Variants in CARNMT1 observed in about 807,000 individuals in gnomAD.
CARNMT1 encodes protein-L-histidine N-pros-methyltransferase CARNMT1.
Under a neutral mutation model 49.6 loss-of-function variants are expected in CARNMT1, and 28 were observed. The observed-to-expected ratio is 0.56, with a 90% confidence interval of 0.42 to 0.77. CARNMT1 has a LOEUF of 0.77. Ranked by LOEUF, CARNMT1 falls within the 30% of genes least tolerant of loss-of-function variation. CARNMT1 has a pLI of 0.00. For missense variants in CARNMT1, 421 were observed against 512.6 expected, an observed-to-expected ratio of 0.82 and a Z score of 1.73; for synonymous variants, 178 against 175.0, an observed-to-expected ratio of 1.02 and a Z score of -0.13.
intron 3 of CARNMT1, chr9:75,009,983 G>C (rs1488373352): frequency 6.6e-6 from 1 of 151,918 alleles, no homozygotes; most frequent in African/African-American, 2.4e-5. Context: ...AAAGAGATAG[G>C]GAATTTGGGT....
chr9:75,006,037 T>A (rs930750914), intron 3 of CARNMT1, among the ~76,000 whole-genome samples: 1 of 152,040 alleles, frequency 6.6e-6, no homozygotes, highest in East Asian at 1.9e-4. Flanking sequence ...TCTGAAGGGC[T>A]ACAATTAATG....
chr9:75,010,416 C>T (rs945513428), intron 3 of CARNMT1, among the ~76,000 whole-genome samples: 2 of 152,100 alleles, frequency 1.3e-5, no homozygotes, highest in Non-Finnish European at 2.9e-5. Flanking sequence ...TGAGCTATCA[C>T]CCCAGGCCAA....
intron 4 of CARNMT1, among the ~76,000 whole-genome samples, chr9:74,999,075 T>C (rs1184354116): frequency 1.3e-5 from 2 of 151,986 alleles, no homozygotes; most frequent in African/African-American, 4.8e-5. Context: ...TCCAACGAGG[T>C]TTTTTAAAAT....
At position 74,983,732 on chromosome 9, in the gene CARNMT1, C is replaced by G; in HGVS notation, c.*35G>C. ...TCGTTGATTTCAGCATTTGTTCTTACTAAACTTTTTTCCAGGTGGTATCAC... is the reference window on the plus strand; with the variant it reads ...TCGTTGATTTCAGCATTTGTTCTTAGTAAACTTTTTTCCAGGTGGTATCAC... On this transcript the variant is annotated 3_prime_UTR_variant, in exon 8 of 8. Coordinates refer to ENST00000376834, the MANE Select transcript of CARNMT1 (RefSeq NM_152420.3). 1 of 1,323,368 alleles carries G rather than the reference C, an allele frequency of 7.6e-7. No homozygotes were observed. 82.0% of individuals were successfully genotyped at this position (1,323,368 alleles called of 1,614,324 possible). A position where few individuals can be genotyped will look rare whatever the true frequency, so the allele number is the denominator to read the frequency against.
intron 6 of CARNMT1, among the ~76,000 whole-genome samples, chr9:74,990,808 G>A (rs1408639267): frequency 6.6e-6 from 1 of 152,182 alleles, no homozygotes; most frequent in African/African-American, 2.4e-5. Context: ...CTTAAAGGGG[G>A]TTGCCAAACC....
chr9:75,004,166 C>T (rs999857567), intron 3 of CARNMT1, among the ~76,000 whole-genome samples: 2 of 152,228 alleles, frequency 1.3e-5, no homozygotes, highest in African/African-American at 4.8e-5. Flanking sequence ...TGAGCCACGG[C>T]GCCTGGCCAA....
chr9:75,006,693 T>C (rs967523963), intron 3 of CARNMT1, among the ~76,000 whole-genome samples: 1 of 152,206 alleles, frequency 6.6e-6, no homozygotes, highest in African/African-American at 2.4e-5. Context: ...TATATATCCC[T>C]TGAAACCTTT....
intron 6 of CARNMT1, among the ~76,000 whole-genome samples, chr9:74,985,219 A>T (rs1387571835): frequency 6.6e-6 from 1 of 152,232 alleles, no homozygotes. Context: ...CCTCTGGCAT[A>T]CCTGCCTTGC....
At chr9:74,996,654 G>A in intron 5 of CARNMT1, 94 bp from the exon 6 acceptor site, 2 of 667,316 alleles carry the variant, frequency 3.0e-6, no homozygotes, top group South Asian at 1.9e-5. Flanking sequence ...CTTTTACAGA[G>A]TATTAATATT....
At chr9:75,014,810 C>A (rs540474714) in intron 3 of CARNMT1, among the ~76,000 whole-genome samples, 1 of 151,992 alleles carries the variant, frequency 6.6e-6, no homozygotes, top group South Asian at 2.1e-4. Context: ...CACTGCACCC[C>A]AGCCTGGGCA....
At chr9:75,027,425 A>T in intron 1 of CARNMT1, 1 of 985,388 alleles carries the variant, frequency 1.0e-6, no homozygotes, top group Non-Finnish European at 1.2e-6. Flanking sequence ...TTCCGCCCTT[A>T]ATCACCCACC....
At chr9:74,985,513 C>T (rs891120742) in intron 6 of CARNMT1, among the ~76,000 whole-genome samples, 11 of 152,046 alleles carry the variant, frequency 7.2e-5, no homozygotes, top group African/African-American at 2.7e-4. Context: ...CTGTTCATAT[C>T]CCAGCTCTAA....
At chr9:75,017,596 T>TA (rs1833891012) in intron 1 of CARNMT1, 148 bp from the exon 2 acceptor site, 1 of 669,194 alleles carries the variant, frequency 1.5e-6, no homozygotes, top group African/African-American at 1.8e-5. Context: ...AAAAAGGCAT[T>TA]AACTTATAAA....
intron 1 of CARNMT1, among the ~76,000 whole-genome samples, chr9:75,018,988 A>AG (rs989465748): frequency 2.7e-5 from 4 of 149,434 alleles, no homozygotes; most frequent in African/African-American, 9.8e-5. Flanking sequence ...AAAAAAAAAA[A>AG]GGAATAAAAT....
At chr9:75,010,682 T>C (rs925057876) in intron 3 of CARNMT1, among the ~76,000 whole-genome samples, 2 of 152,146 alleles carry the variant, frequency 1.3e-5, no homozygotes, top group Non-Finnish European at 2.9e-5. Flanking sequence ...AATTTCTGAA[T>C]TGATGATATA....
Position 75,028,251 on chromosome 9 carries a change from G to A in CARNMT1, c.-10C>T. The A allele has an allele frequency of 2.2e-6, 3 of 1,369,706 alleles. No individual in the cohort carries two copies. 84.8% of individuals were successfully genotyped at this position (1,369,706 alleles called of 1,614,324 possible). A position where few individuals can be genotyped will look rare whatever the true frequency, so the allele number is the denominator to read the frequency against. On this transcript the variant is annotated 5_prime_UTR_variant, in exon 1 of 8. Transcript: ENST00000376834. ...GACGCCGTCGCTGCATCGCCGCCGCGGCCCTCGGCCTGGCTCGCTTGCGTC... is the reference window on the plus strand; with the variant it reads ...GACGCCGTCGCTGCATCGCCGCCGCAGCCCTCGGCCTGGCTCGCTTGCGTC...
chr9:75,022,731 T>G (rs1822408150), intron 1 of CARNMT1, among the ~76,000 whole-genome samples: 1 of 152,102 alleles, frequency 6.6e-6, no homozygotes, highest in Non-Finnish European at 1.5e-5. Flanking sequence ...ACAACTTCCC[T>G]CTCACCATAC....
chr9:75,018,713 C>A (rs936655434), intron 1 of CARNMT1, among the ~76,000 whole-genome samples: 3 of 152,070 alleles, frequency 2.0e-5, no homozygotes, highest in African/African-American at 4.8e-5. Context: ...TCCCTGTAAT[C>A]CCTTGGCACT....
chr9:75,028,292 G>C lies in CARNMT1; in HGVS notation c.-51C>G. On this transcript the variant is annotated 5_prime_UTR_variant, in exon 1 of 8. Transcript: ENST00000376834. ...CGCTTGCGTCTCTCCGCGACCGACAGCGTGGTGGCGGCTGCTTGGCCTTCC... is the reference window on the plus strand; with the variant it reads ...CGCTTGCGTCTCTCCGCGACCGACACCGTGGTGGCGGCTGCTTGGCCTTCC... The C allele has an allele frequency of 7.5e-7, 1 of 1,336,642 alleles. No individual in the cohort carries two copies. Among genetic ancestry groups the C allele is most frequent in the Non-Finnish European group, 9.5e-7 (1 of 1,049,238 alleles). 82.8% of individuals were successfully genotyped at this position (1,336,642 alleles called of 1,614,324 possible). A position where few individuals can be genotyped will look rare whatever the true frequency, so the allele number is the denominator to read the frequency against.
Sources: allele counts gnomAD v4.1 joint callset (sites outside exome capture counted in the v4.1 genomes callset), GRCh38; gene constraint gnomAD v4.1.1; transcripts MANE v1.5; gene names NCBI Gene and HGNC (gene_info 2026-07-23, HGNC 2026-07-21).